The following NELL1 variants were observed in gnomAD, a reference collection of about 807,000 sequenced individuals.
NELL1 encodes the protein neural EGFL like 1.
NELL1 carries 76 observed loss-of-function variants against 107.4 expected under a neutral mutation model. The observed-to-expected ratio is 0.71, with a 90% CI of 0.59 to 0.86. The LOEUF is 0.86. Ranked by LOEUF, NELL1 falls within the 40% of genes least tolerant of loss-of-function variation. The probability of loss-of-function intolerance (pLI) is 0.00; values close to 1 mark genes in which losing one functional copy is unlikely to be tolerated. For synonymous variants in NELL1, 353 were observed against 341.2 expected (o/e 1.03, Z -0.38); for missense variants, 1,024 against 1,005.5 (o/e 1.02, Z -0.25).
chr11:21,358,409 G>GT (rs768729546), intron 14 of NELL1, among the ~76,000 whole-genome samples: 62 of 150,704 alleles, frequency 4.1e-4, no homozygotes, highest in African/African-American at 9.2e-4. Context: ...GTTTTGTTTT[G>GT]TTTTTTTTGA....
In NELL1 at chr11:20,713,584, C is replaced by G. The variant is rs184407706; in HGVS notation, c.184+35524C>G. On this transcript the variant is annotated intron_variant, in intron 2 of 19. Transcript: ENST00000357134. ...TGAGAAAGAAAACATGGCTTTCAGG[C>G]CTTGCCCCCTCCCTGTCTGCCCACA... Among the ~76,000 whole-genome samples, 458 of 152,232 alleles carry G rather than the reference C, an allele frequency of 3.0e-3. 5 individuals are homozygous for G. The highest frequency in any genetic ancestry group is 0.01 in the African/African-American group (434 of 41,540).
intron 3 of NELL1, among the ~76,000 whole-genome samples, chr11:20,788,474 A>G (rs768896470): frequency 6.6e-6 from 1 of 152,196 alleles, no homozygotes. Context: ...GTATCTTTTC[A>G]TAAGCTTATT....
At chr11:21,147,384 G>T (rs1856005310) in intron 13 of NELL1, among the ~76,000 whole-genome samples, 6 of 152,084 alleles carry the variant, frequency 3.9e-5, no homozygotes, top group Admixed American at 3.9e-4. Flanking sequence ...ATACTTCTGG[G>T]AATATACTGA....
At chr11:21,299,226 G>A (rs962211969) in intron 14 of NELL1, among the ~76,000 whole-genome samples, 12 of 151,940 alleles carry the variant, frequency 7.9e-5, no homozygotes, top group African/African-American at 2.9e-4. Context: ...TAAGAAATCT[G>A]TGTTTAATTT....
At chr11:21,120,017 G>A (rs1433240289) in intron 13 of NELL1, among the ~76,000 whole-genome samples, 2 of 152,052 alleles carry the variant, frequency 1.3e-5, no homozygotes, top group Admixed American at 1.3e-4. Flanking sequence ...ATGAAGGTAA[G>A]AAATAAAGGG....
At chr11:21,077,938 T>C (rs71488777) in intron 12 of NELL1, among the ~76,000 whole-genome samples, 2,162 of 152,090 alleles carry the variant, frequency 0.014, 30 homozygotes, top group Non-Finnish European at 0.023. Flanking sequence ...AAATGAAACA[T>C]ACCAAAATAT....
chr11:21,281,704 G>T (rs189072594), intron 14 of NELL1, among the ~76,000 whole-genome samples: 85 of 152,218 alleles, frequency 5.6e-4, no homozygotes, highest in Admixed American at 2.2e-3. Context: ...GAGAGAGAGA[G>T]ACTCCATTTG....
chr11:21,418,983 G>A (rs146937513), intron 15 of NELL1, among the ~76,000 whole-genome samples: 3 of 152,156 alleles, frequency 2.0e-5, no homozygotes, highest in Admixed American at 6.6e-5. Flanking sequence ...TAAAATTATC[G>A]ATGCATAATC....
intron 3 of NELL1, among the ~76,000 whole-genome samples, chr11:20,812,404 T>C (rs1317048482): frequency 6.6e-6 from 1 of 152,250 alleles, no homozygotes; most frequent in Non-Finnish European, 1.5e-5. Context: ...TTTATGTTAT[T>C]GTTTTTGCTT....
intron 13 of NELL1, among the ~76,000 whole-genome samples, chr11:21,170,558 A>T (rs1315195730): frequency 5.3e-5 from 8 of 151,744 alleles, no homozygotes; most frequent in Admixed American, 2.6e-4. Flanking sequence ...TTAAAAAACT[A>T]TATGCACTTT....
At chr11:20,951,600 T>C (rs1248801243) in intron 11 of NELL1, among the ~76,000 whole-genome samples, 2 of 152,126 alleles carry the variant, frequency 1.3e-5, no homozygotes, top group Non-Finnish European at 2.9e-5. Context: ...AAAATGAATA[T>C]AACCAAGTAA....
At chr11:21,145,218 T>C (rs1855951843) in intron 13 of NELL1, among the ~76,000 whole-genome samples, 1 of 152,174 alleles carries the variant, frequency 6.6e-6, no homozygotes, top group Admixed American at 6.5e-5. Context: ...AACAATTCAG[T>C]GAGTAGGTAT....
intron 14 of NELL1, among the ~76,000 whole-genome samples, chr11:21,270,410 A>G (rs1447733272): frequency 6.6e-6 from 1 of 152,164 alleles, no homozygotes; most frequent in Non-Finnish European, 1.5e-5. Context: ...AACAGACTTC[A>G]AAGCAAGAAA....
chr11:20,965,729 T>G (rs2134221672), intron 12 of NELL1, among the ~76,000 whole-genome samples: 1 of 152,272 alleles, frequency 6.6e-6, no homozygotes, highest in South Asian at 2.1e-4. Flanking sequence ...TTCTTTCATA[T>G]GACTAGAGGT....
At chr11:21,276,574 G>A (rs113734893) in intron 14 of NELL1, among the ~76,000 whole-genome samples, 1 of 152,058 alleles carries the variant, frequency 6.6e-6, no homozygotes, top group Non-Finnish European at 1.5e-5. Flanking sequence ...AACCAAAAAA[G>A]AGCCTGCATT....
intron 12 of NELL1, among the ~76,000 whole-genome samples, chr11:21,012,242 A>G (rs972438783): frequency 3.9e-5 from 6 of 152,080 alleles, no homozygotes; most frequent in African/African-American, 1.4e-4. Flanking sequence ...ACATCTTCAT[A>G]TGGTTTGCTT....
chr11:21,236,075 C>A (rs1366562396), intron 14 of NELL1, among the ~76,000 whole-genome samples: 1 of 152,060 alleles, frequency 6.6e-6, no homozygotes, highest in African/African-American at 2.4e-5. Context: ...ATTTCATGGG[C>A]CCTTTCCCTC....
intron 12 of NELL1, among the ~76,000 whole-genome samples, chr11:20,992,377 T>C (rs1478236945): frequency 6.6e-6 from 1 of 152,138 alleles, no homozygotes; most frequent in African/African-American, 2.4e-5. Context: ...TTTGGGTATT[T>C]TGTTGTTGTT....
intron 15 of NELL1, among the ~76,000 whole-genome samples, chr11:21,476,618 A>G (rs566190306): frequency 6.6e-6 from 1 of 152,316 alleles, no homozygotes; most frequent in African/African-American, 2.4e-5. Context: ...GAACCTTCAT[A>G]AGAACCAAAA....
Sources: gnomAD v4.1 joint callset for allele counts (sites outside exome capture counted in the v4.1 genomes callset) on GRCh38, gnomAD v4.1.1 for gene constraint, MANE v1.5 for transcripts, NCBI Gene and HGNC (gene_info 2026-07-23, HGNC 2026-07-21) for gene names.